The following MYOM1 variants were observed in gnomAD, a reference collection of about 807,000 sequenced individuals.
MYOM1 encodes myomesin 1.
A neutral mutation model predicts 205.3 loss-of-function variants in MYOM1; 164 were observed. The observed-to-expected ratio is 0.80, with a 90% CI of 0.70 to 0.91. The LOEUF (loss-of-function observed/expected upper bound fraction) is 0.91. MYOM1 is among the 40% of genes least tolerant of loss of function. MYOM1 has a pLI of 0.00. For missense variants in MYOM1, 2,011 were observed against 2,127.3 expected, an observed-to-expected ratio of 0.95 and a Z score of 1.08; for synonymous variants, 772 against 789.4, an observed-to-expected ratio of 0.98 and a Z score of 0.37.
intron 10 of MYOM1, among the ~76,000 whole-genome samples, chr18:3,163,541 C>T (rs2080425485): frequency 6.6e-6 from 1 of 151,718 alleles, no homozygotes; most frequent in Non-Finnish European, 1.5e-5. Flanking sequence ...GAACTTCTGC[C>T]TGCCAGGCCC....
At chr18:3,102,317 T>C (rs2143762049) in intron 23 of MYOM1, among the ~76,000 whole-genome samples, 157 bp downstream of exon 23, 1 of 152,112 alleles carries the variant, frequency 6.6e-6, no homozygotes, top group East Asian at 1.9e-4. Flanking sequence ...GATGATTATT[T>C]TTAAGGTTTA....
At chr18:3,171,151 G>GT (rs2080551026) in intron 8 of MYOM1, among the ~76,000 whole-genome samples, 1 of 152,192 alleles carries the variant, frequency 6.6e-6, no homozygotes, top group East Asian at 1.9e-4. Context: ...CCGGCTGGCC[G>GT]TTTCTGTGCT....
At chr18:3,143,447 T>C (rs1175308922) in intron 13 of MYOM1, among the ~76,000 whole-genome samples, 1 of 152,186 alleles carries the variant, frequency 6.6e-6, no homozygotes, top group Non-Finnish European at 1.5e-5. Flanking sequence ...ATGGAAATGA[T>C]AAAAATGTGA....
At chr18:3,081,603 T>C (rs1267044925) in intron 33 of MYOM1, among the ~76,000 whole-genome samples, 1 of 152,244 alleles carries the variant, frequency 6.6e-6, no homozygotes. Flanking sequence ...GCTTTTTGAT[T>C]GATGATTCAA....
chr18:3,230,496 C>T, the MYOM1 span, among the ~76,000 whole-genome samples: 2 of 152,226 alleles, frequency 1.3e-5, no homozygotes, highest in South Asian at 2.1e-4. Flanking sequence ...GGCTGGTTGC[C>T]GGCCAAGTTT....
Position 3,161,992 on chromosome 18 carries a change from A to C in MYOM1, c.1501+2286T>G, listed in dbSNP as rs528501420. On this transcript the variant is annotated intron_variant, in intron 10 of 37. Coordinates refer to ENST00000356443, the MANE Select transcript of MYOM1 (RefSeq NM_003803.4). Reference sequence around the variant, plus strand: ...TTACCAGAAAACCTAAATATATTGAAATACAGTTCTAATCATAGACCTTTT... The same window carrying C: ...TTACCAGAAAACCTAAATATATTGACATACAGTTCTAATCATAGACCTTTT... Among the ~76,000 whole-genome samples, 12 of 152,294 alleles carry C rather than the reference A, an allele frequency of 7.9e-5. No homozygotes were observed. In the South Asian group the frequency reaches 1.9e-3, roughly 24 times the overall value.
the MYOM1 span, among the ~76,000 whole-genome samples, chr18:3,239,601 C>T: frequency 1.3e-5 from 2 of 151,454 alleles, no homozygotes; most frequent in African/African-American, 4.9e-5. Flanking sequence ...ACAAATAATA[C>T]AAAAATTAGC....
At position 3,161,568 on chromosome 18, in the gene MYOM1, G is replaced by A. The variant is rs138380497; in HGVS notation, c.1501+2710C>T. 4.5e-3 allele frequency among the ~76,000 whole-genome samples: 692 copies of A among 152,272 alleles called. 4 individuals carry two copies. Among genetic ancestry groups the A allele is most frequent in the Non-Finnish European group, 7.7e-3 (522 of 68,014 alleles). ...CCTTTCTTTCTCCTCCCCATAGGCT[G>A]GGATGAGAACCTGGGACAGTACCCC... On this transcript the variant is annotated intron_variant, in intron 10 of 37. Coordinates refer to ENST00000356443, the MANE Select transcript of MYOM1 (RefSeq NM_003803.4).
chr18:3,152,088 G>A lies in MYOM1; in HGVS notation c.1644-195C>T, dbSNP rs2080231543. Reference sequence around the variant, plus strand: ...ATGCACTGTGTCTTCTTTACCAAGAGGAAAGAAGCCTCAGGTCCTTCCTGA... The same window carrying A: ...ATGCACTGTGTCTTCTTTACCAAGAAGAAAGAAGCCTCAGGTCCTTCCTGA... On this transcript the variant is annotated intron_variant, in intron 11 of 37. Transcript: ENST00000356443. This position sits in a 1 kb window ranked among gnomAD's most constrained non-coding sequence, Gnocchi z 4.3. Among the ~76,000 whole-genome samples, 1 of 152,132 alleles carries A rather than the reference G, an allele frequency of 6.6e-6. No homozygotes were observed. The highest frequency in any genetic ancestry group is 6.6e-5 in the Admixed American group (1 of 15,266).
At chr18:3,153,507 A>G (rs2080249524) in intron 11 of MYOM1, among the ~76,000 whole-genome samples, 1 of 152,204 alleles carries the variant, frequency 6.6e-6, no homozygotes, top group African/African-American at 2.4e-5. Flanking sequence ...GGAGAACAAA[A>G]TGTACTTATT....
chr18:3,093,295 C>T (rs1015489684), intron 26 of MYOM1, among the ~76,000 whole-genome samples: 1 of 152,168 alleles, frequency 6.6e-6, no homozygotes, highest in African/African-American at 2.4e-5. Context: ...CCCATGATAG[C>T]ACAGGTCAGT....
At chr18:3,151,642 C>G (rs1441628049) in intron 12 of MYOM1, 52 bp downstream of exon 12, 4 of 1,488,990 alleles carry the variant, frequency 2.7e-6, no homozygotes, top group Non-Finnish European at 3.6e-6. Flanking sequence ...CTGATTCTTG[C>G]AGTCATTTTA....
intron 22 of MYOM1, among the ~76,000 whole-genome samples, chr18:3,109,354 G>C (rs1035840595): frequency 6.6e-6 from 1 of 152,164 alleles, no homozygotes; most frequent in Admixed American, 6.5e-5. Flanking sequence ...AATTAATTAT[G>C]GTTGAACTCT....
At position 3,197,667 on chromosome 18, in the gene MYOM1, A is replaced by G. The variant is rs372807652; in HGVS notation, c.291-3709T>C. Among the ~76,000 whole-genome samples, 342 of 151,814 alleles carry G rather than the reference A, an allele frequency of 2.3e-3. 1 individual carries two copies. The highest frequency in any genetic ancestry group is 4.5e-3 in the East Asian group (23 of 5,098). On this transcript the variant is annotated intron_variant, in intron 2 of 37. Coordinates refer to ENST00000356443, the MANE Select transcript of MYOM1 (RefSeq NM_003803.4). ...GGCGGGCGGATCACGAGGTCAGGAG[A>G]TCGAGACCATCCTAGCTAACATGGT...
At chr18:3,202,296 C>T (rs532635147) in intron 2 of MYOM1, among the ~76,000 whole-genome samples, 1 of 152,032 alleles carries the variant, frequency 6.6e-6, no homozygotes, top group South Asian at 2.1e-4. Flanking sequence ...ATGAGATATA[C>T]TTTAAAAAGT....
chr18:3,187,613 C>T lies in MYOM1; in HGVS notation c.796G>A (p.Ala266Thr). ...AGAAGATGGTCTTCATTCAGCTTGG[C>T]ATGATATGTCTCGGTTTCTTCTAAC... is the stretch of plus-strand genomic sequence containing the variant. ...KTLEETETYH[A>T]KLNEDHLLHA... The change falls in exon 5 of 38, where the codon GCC (alanine) becomes ACC (threonine). Residue 266 changes from alanine (A) to threonine (T), a missense_variant. Transcript: ENST00000356443. 2 of 1,609,548 alleles carry T rather than the reference C, an allele frequency of 1.2e-6. No individual in the cohort carries two copies. Among genetic ancestry groups the T allele is most frequent in the Non-Finnish European group, 8.5e-7 (1 of 1,176,524 alleles).
At chr18:3,164,544 T>C in intron 9 of MYOM1, 105 bp from the exon 10 acceptor site, 1 of 1,087,360 alleles carries the variant, frequency 9.2e-7, no homozygotes. Context: ...ATGAAAGTAA[T>C]TTAACTACTA....
At chr18:3,229,438 T>C in the MYOM1 span, among the ~76,000 whole-genome samples, 3 of 151,846 alleles carry the variant, frequency 2.0e-5, no homozygotes, top group African/African-American at 7.3e-5. Context: ...GATAAAAGCC[T>C]GAATTAAAAA....
chr18:3,208,534 C>A (rs9952276), intron 2 of MYOM1, among the ~76,000 whole-genome samples: 33,363 of 151,596 alleles, frequency 0.22, 3,770 homozygotes, highest in African/African-American at 0.29. Context: ...TAAAAAAAAA[C>A]CATAATGCAA....
Sources: gnomAD v4.1 joint callset for allele counts (sites outside exome capture counted in the v4.1 genomes callset) on GRCh38, gnomAD v4.1.1 for gene constraint, Gnocchi (gnomAD v3.1) non-coding constraint, MANE v1.5 for transcripts, NCBI Gene and HGNC (gene_info 2026-07-23, HGNC 2026-07-21) for gene names.